DNAH7: variants seen among roughly 807,000 people sequenced by gnomAD.
DNAH7 encodes axonemal beta dynein heavy chain 7.
Under a neutral mutation model 444.6 loss-of-function variants are expected in DNAH7, and 397 were observed. The observed-to-expected ratio is 0.89, with a 90% CI of 0.82 to 0.97. The LOEUF is 0.97. Among genes scored for constraint, DNAH7 ranks in the 50% least tolerant of loss-of-function variants. The pLI is 0.00. For missense variants in DNAH7, 4,902 were observed against 4,800.8 expected, an observed-to-expected ratio of 1.02 and a Z score of -0.62; for synonymous variants, 1,636 against 1,624.4, an observed-to-expected ratio of 1.01 and a Z score of -0.17.
intron 61 of DNAH7, among the ~76,000 whole-genome samples, 167 bp from the exon 62 acceptor site, chr2:195,756,452 A>C (rs1694077827): frequency 1.3e-5 from 2 of 151,970 alleles, no homozygotes; most frequent in South Asian, 4.1e-4. Flanking sequence ...TTTTCCTTAC[A>C]AGTAGGCCAG....
At chr2:195,876,183 T>C (rs1223233110) in intron 37 of DNAH7, among the ~76,000 whole-genome samples, 1 of 152,094 alleles carries the variant, frequency 6.6e-6, no homozygotes, top group Non-Finnish European at 1.5e-5. Flanking sequence ...GTGATTAGGG[T>C]GAGAAGGGTG....
At chr2:195,973,574 C>T (rs759347949) in intron 15 of DNAH7, among the ~76,000 whole-genome samples, 1 of 151,996 alleles carries the variant, frequency 6.6e-6, no homozygotes, top group Non-Finnish European at 1.5e-5. Context: ...CATGTTCAAG[C>T]GATTCTCCTG....
intron 23 of DNAH7, 113 bp from the exon 24 acceptor site, chr2:195,922,310 C>T: frequency 1.6e-6 from 1 of 623,858 alleles, no homozygotes; most frequent in Non-Finnish European, 2.8e-6. Context: ...GTTCACTTTT[C>T]AGGTGTCATT....
rs753263917 is a variant in DNAH7 at position 195,771,899 on chromosome 2, A to G, written c.11203-9T>C. The stretch of plus-strand genomic sequence containing the variant: ...GCACCTGCTGAACGAGACTATGAAG[A>G]ATCCAAACTATAACTCAAAAATCCT... On this transcript the variant is annotated splice_polypyrimidine_tract_variant and intron_variant, in intron 60 of 64. Transcript: ENST00000312428. The G allele has an allele frequency of 8.1e-6, 13 of 1,612,112 alleles. No homozygotes were observed. The highest frequency in any genetic ancestry group is 1.1e-5 in the Non-Finnish European group (13 of 1,178,110).
At chr2:195,883,453 C>CG (rs1559181626) in intron 35 of DNAH7, among the ~76,000 whole-genome samples, 14 of 135,316 alleles carry the variant, frequency 1.0e-4, no homozygotes, top group African/African-American at 4.2e-4. Context: ...GTCCCCGCTC[C>CG]CCCCCCCCAA....
chr2:195,931,650 G>C (rs915236059), intron 21 of DNAH7, among the ~76,000 whole-genome samples: 5 of 152,106 alleles, frequency 3.3e-5, no homozygotes, highest in East Asian at 3.8e-4. Context: ...TGGCTAGCCA[G>C]TTTTCCCAGC....
intron 46 of DNAH7, among the ~76,000 whole-genome samples, chr2:195,850,128 T>G (rs1473857071): frequency 6.6e-6 from 1 of 152,128 alleles, no homozygotes; most frequent in Non-Finnish European, 1.5e-5. Context: ...GATTAGCAAT[T>G]TAAGAGGCCT....
At chr2:195,832,086 C>A (rs2124947514) in intron 48 of DNAH7, among the ~76,000 whole-genome samples, 1 of 152,226 alleles carries the variant, frequency 6.6e-6, no homozygotes, top group South Asian at 2.1e-4. Context: ...ATGATGCTTA[C>A]CTTTATACTA....
At chr2:195,778,060 T>G in intron 58 of DNAH7, 75 bp from the exon 59 acceptor site, 1 of 1,327,072 alleles carries the variant, frequency 7.5e-7, no homozygotes, top group Non-Finnish European at 9.8e-7. Context: ...TTTTTCCTAT[T>G]ACTAAATTAA....
intron 46 of DNAH7, among the ~76,000 whole-genome samples, chr2:195,845,962 G>T (rs1698967159): frequency 6.6e-6 from 1 of 152,140 alleles, no homozygotes. Context: ...AGATTAAATG[G>T]CAAGGATGCC....
chr2:195,779,273 TG>T (rs1372921896), intron 58 of DNAH7, among the ~76,000 whole-genome samples: 1 of 152,220 alleles, frequency 6.6e-6, no homozygotes, highest in Non-Finnish European at 1.5e-5. Flanking sequence ...AATTTTTTAG[TG>T]TGCTGAATCA....
chr2:195,875,102 A>G (rs935166884), intron 38 of DNAH7, among the ~76,000 whole-genome samples: 2 of 152,238 alleles, frequency 1.3e-5, no homozygotes, highest in African/African-American at 2.4e-5. Flanking sequence ...CTACACAGAG[A>G]TTCCTTTGAG....
intron 31 of DNAH7, among the ~76,000 whole-genome samples, chr2:195,890,358 C>T (rs571103902): frequency 2.6e-5 from 4 of 152,306 alleles, no homozygotes; most frequent in African/African-American, 9.6e-5. Context: ...TTGGGCTTCA[C>T]AGTCTCAAGG....
At position 195,970,019 on chromosome 2, in the gene DNAH7, G is replaced by A; in HGVS notation, c.2134C>T (p.Leu712Phe). The A allele has an allele frequency of 6.2e-7, 1 of 1,612,446 alleles. No homozygotes were observed. The highest frequency in any genetic ancestry group is 8.5e-7 in the Non-Finnish European group (1 of 1,179,416). Residue 712 changes from leucine to phenylalanine, a missense_variant, in exon 17 of 65, where the codon CTT becomes TTT. By Grantham distance (22) the Leu-to-Phe change is conservative (BLOSUM62 0). Transcript: ENST00000312428. ...TTTAGGTACCGCTGAACATCCTGAAGATCTCCAAATGAATAAAATTCTTCT... is the reference window on the plus strand; with the variant it reads ...TTTAGGTACCGCTGAACATCCTGAAAATCTCCAAATGAATAAAATTCTTCT... ...QSEEFYSFGD[L>F]QDVQRYLKKA...
chr2:195,781,949 A>G (rs1695400020), intron 58 of DNAH7, among the ~76,000 whole-genome samples: 2 of 145,494 alleles, frequency 1.4e-5, no homozygotes, highest in Non-Finnish European at 1.5e-5. Flanking sequence ...AGTTAGGGTC[A>G]GAATGAGGGG....
chr2:195,790,110 C>A (rs746849555), intron 57 of DNAH7, among the ~76,000 whole-genome samples: 13 of 152,078 alleles, frequency 8.5e-5, no homozygotes, highest in Admixed American at 1.3e-4. Flanking sequence ...CTTAAGAATA[C>A]ATTTAACTAA....
chr2:195,950,651 A>G (rs1403411555), intron 19 of DNAH7, among the ~76,000 whole-genome samples: 1 of 151,830 alleles, frequency 6.6e-6, no homozygotes, highest in East Asian at 1.9e-4. Context: ...GATCGAAACC[A>G]TCCTGGCTAA....
chr2:195,900,183 A>G, intron 28 of DNAH7, 99 bp downstream of exon 28: 2 of 1,328,142 alleles, frequency 1.5e-6, no homozygotes, highest in Non-Finnish European at 2.1e-6. Context: ...TTTTCAATCA[A>G]TTAAGGAAAC....
intron 64 of DNAH7, among the ~76,000 whole-genome samples, 167 bp downstream of exon 64, chr2:195,740,585 ATGTGTGTGTGTGTG>A (rs71015727): frequency 0.11 from 14,051 of 132,032 alleles, 1,097 homozygotes; most frequent in African/African-American, 0.21. Flanking sequence ...TTGACTGTAT[ATGTGTGTGTGTGTG>A]TGTGTGTGTG....
Sources: gnomAD v4.1 joint callset for allele counts (sites outside exome capture counted in the v4.1 genomes callset) on GRCh38, gnomAD v4.1.1 for gene constraint, MANE v1.5 for transcripts, NCBI Gene and HGNC (gene_info 2026-07-23, HGNC 2026-07-21) for gene names.